CKAP4: variants seen among roughly 807,000 people sequenced by gnomAD.
CKAP4 encodes cytoskeleton associated protein 4, also known as cytoskeleton-associated protein 4.
A neutral mutation model predicts 24.4 loss-of-function variants in CKAP4; 20 were observed. That is an observed-to-expected ratio of 0.82 (90% CI 0.58 to 1.19). The LOEUF is 1.19. CKAP4 is among the 50% of genes most tolerant of loss of function. The pLI is 0.00. For synonymous variants in CKAP4, 378 were observed against 351.7 expected, an observed-to-expected ratio of 1.07 and a Z score of -0.84; for missense variants, 744 against 765.3, an observed-to-expected ratio of 0.97 and a Z score of 0.33.
chr12:106,239,383 C>G lies in CKAP4; in HGVS notation c.1450G>C (p.Gly484Arg). The G allele has an allele frequency of 6.2e-7, 1 of 1,601,336 alleles. No individual in the cohort carries two copies. The change falls in exon 2 of 2, where the codon GGT becomes CGT. Residue 484 changes from glycine (G) to arginine (R), a missense_variant. Physicochemically the swap from Gly to Arg is moderately radical, Grantham distance 125. Around this residue, in one of 3 missense-constraint regions of CKAP4, gnomAD observed 401 missense variants for 424.5 expected, o/e 0.94. Transcript: ENST00000378026. The surrounding 1 kb of genome is among the most constrained non-coding windows in gnomAD (Gnocchi z 4.9). ...SLGETQLVLY[G>R]DVEELKRSVG... ...CTCCTCTTCAGCTCCTCCACGTCAC[C>G]GTAGAGCACCAGCTGGGTCTCGCCC... is the stretch of plus-strand genomic sequence containing the variant.
rs2034024565 is a variant in CKAP4, at chr12:106,247,578, CGGCGGCAGCGGCGGCGGA to C, written c.256_273del (p.Ser86_Ala91del). ...CAGGACGCCGAGGACGAGGCGGCGG[CGGCGGCAGCGGCGGCGGA>C]GGCGGAGGAGGAGGAGGAGGACTTG... is the stretch of plus-strand genomic sequence containing the variant. On this transcript the variant is annotated inframe_deletion, in exon 1 of 2. Coordinates refer to ENST00000378026, the MANE Select transcript of CKAP4 (RefSeq NM_006825.4). The surrounding 1 kb of genome is among the most constrained non-coding windows in gnomAD (Gnocchi z 4.5). 2.2e-6 allele frequency: 3 copies of C among 1,354,268 alleles called. No individual in the cohort carries two copies. Among genetic ancestry groups the C allele is most frequent in the Non-Finnish European group, 2.9e-6 (3 of 1,046,728 alleles). The allele number at this position is 1,354,268 out of a possible 1,614,324, so 83.9% of individuals were successfully genotyped here.
chr12:106,247,405 C>T lies in CKAP4; in HGVS notation c.447G>A (p.Glu149=), dbSNP rs1190654390. 3 of 1,542,964 alleles carry T rather than the reference C, an allele frequency of 1.9e-6. No individual in the cohort carries two copies. Among genetic ancestry groups the T allele is most frequent in the Admixed American group, 1.9e-5 (1 of 51,706 alleles). ...CGCCCTGCAAGCCCTGGCCCAGCTC[C>T]TCCCTCTGCCGGGAGAAGTCCTGGT... ...RSHQDFSRQR[E]ELGQGLQGVE... The change falls in exon 1 of 2, where the codon GAG becomes GAA. Residue 149 remains glutamate, a synonymous_variant. Coordinates refer to ENST00000378026, the MANE Select transcript of CKAP4 (RefSeq NM_006825.4). This position sits in a 1 kb window ranked among gnomAD's most constrained non-coding sequence, Gnocchi z 4.5.
chr12:106,242,342 T>A (rs561510794), intron 1 of CKAP4, among the ~76,000 whole-genome samples: 2 of 152,366 alleles, frequency 1.3e-5, no homozygotes, highest in South Asian at 4.1e-4. Context: ...TTCCTAGAAA[T>A]ATCCTCAACC....
Position 106,239,078 on chromosome 12 carries a change from C to G in CKAP4, c.1755G>C (p.Arg585Ser). The G allele has an allele frequency of 6.2e-7, 1 of 1,614,104 alleles. No homozygotes were observed. The highest frequency in any genetic ancestry group is 8.5e-7 in the Non-Finnish European group (1 of 1,180,030). Residue 585 changes from arginine to serine, a missense_variant, in exon 2 of 2, where the codon AGG becomes AGC. This residue lies in a region of CKAP4 where 401 missense variants were observed against 424.5 expected (regional missense o/e 0.94). Transcript: ENST00000378026. This position sits in a 1 kb window ranked among gnomAD's most constrained non-coding sequence, Gnocchi z 4.9. Reference protein sequence around the residue: ...ESAKGLLDDLRNDLDRLFVKV... With the variant: ...ESAKGLLDDLSNDLDRLFVKV... ...TCACAAACAACCTATCCAGATCATT[C>G]CTCAGGTCATCTAGTAAACCCTTGG...
At chr12:106,240,409 A>G in intron 1 of CKAP4, 60 bp from the exon 2 acceptor site, 2 of 1,537,480 alleles carry the variant, frequency 1.3e-6, no homozygotes, top group Non-Finnish European at 1.7e-6. Flanking sequence ...ACATGATACA[A>G]CTTTTTTTGT....
chr12:106,241,478 G>A (rs1032189466), intron 1 of CKAP4, among the ~76,000 whole-genome samples: 9 of 150,860 alleles, frequency 6.0e-5, no homozygotes, highest in South Asian at 2.1e-4. Flanking sequence ...GACTACAGGC[G>A]CCCGCCACTA....
intron 1 of CKAP4, among the ~76,000 whole-genome samples, chr12:106,243,358 T>C (rs1002863843): frequency 1.3e-5 from 2 of 152,220 alleles, no homozygotes; most frequent in Non-Finnish European, 2.9e-5. Flanking sequence ...CAGTATGTGA[T>C]ATGCTCAGGC....
rs2034025554 is a variant in CKAP4, at chr12:106,247,615, G to GGAC, written c.234_236dup (p.Ser84dup). Reference sequence around the variant, plus strand: ...CGGCGGAGGCGGAGGAGGAGGAGGAGGACTTGCCGCCGCCGCCGCCGCCGC... The same window carrying GGAC: ...CGGCGGAGGCGGAGGAGGAGGAGGAGGACGACTTGCCGCCGCCGCCGCCGCCGC... On this transcript the variant is annotated inframe_insertion, in exon 1 of 2. Transcript: ENST00000378026. This position sits in a 1 kb window ranked among gnomAD's most constrained non-coding sequence, Gnocchi z 4.5. 2 of 1,206,960 alleles carry GGAC rather than the reference G, an allele frequency of 1.7e-6. No individual in the cohort carries two copies. The highest frequency in any genetic ancestry group is 2.1e-6 in the Non-Finnish European group (2 of 946,146). 74.8% of individuals were successfully genotyped at this position (1,206,960 alleles called of 1,614,324 possible). A position where few individuals can be genotyped will look rare whatever the true frequency, so the allele number is the denominator to read the frequency against.
Position 106,247,943 on chromosome 12 carries a change from G to A in CKAP4, c.-92C>T, listed in dbSNP as rs2034033095. Reference sequence around the variant, plus strand: ...ACTTGCAGGGGCTCCCCCGGGACTGGGCGAGCGGCACGCGGGCGCTGCTGG... The same window carrying A: ...ACTTGCAGGGGCTCCCCCGGGACTGAGCGAGCGGCACGCGGGCGCTGCTGG... On this transcript the variant is annotated 5_prime_UTR_variant, in exon 1 of 2. Transcript: ENST00000378026. The surrounding 1 kb of genome is among the most constrained non-coding windows in gnomAD (Gnocchi z 4.5). 1.2e-6 allele frequency: 1 copy of A among 812,818 alleles called. No homozygotes were observed. 50.4% of individuals were successfully genotyped at this position (812,818 alleles called of 1,614,324 possible).
In CKAP4 at chr12:106,247,879, G is replaced by T; in HGVS notation, c.-28C>A. 2 of 1,026,176 alleles carry T rather than the reference G, an allele frequency of 1.9e-6. No individual in the cohort carries two copies. The highest frequency in any genetic ancestry group is 2.3e-6 in the Non-Finnish European group (2 of 857,938). 63.6% of individuals were successfully genotyped at this position (1,026,176 alleles called of 1,614,324 possible). ...CGGGCGCGGCGGCGGCTCGGGCCGC[G>T]GGCTGGGAGGCGAGCGAGCGCGGCG... is the stretch of plus-strand genomic sequence containing the variant. On this transcript the variant is annotated 5_prime_UTR_variant, in exon 1 of 2. Transcript: ENST00000378026. The surrounding 1 kb of genome is among the most constrained non-coding windows in gnomAD (Gnocchi z 4.5).
Position 106,247,931 on chromosome 12 carries a change from C to A in CKAP4, c.-80G>T, listed in dbSNP as rs1450926666. On this transcript the variant is annotated 5_prime_UTR_variant, in exon 1 of 2. Coordinates refer to ENST00000378026, the MANE Select transcript of CKAP4 (RefSeq NM_006825.4). The surrounding 1 kb of genome is among the most constrained non-coding windows in gnomAD (Gnocchi z 4.5). ...GCGGCCCGGGAAACTTGCAGGGGCT[C>A]CCCCGGGACTGGGCGAGCGGCACGC... 6 of 879,098 alleles carry A rather than the reference C, an allele frequency of 6.8e-6. No homozygotes were observed. The highest frequency in any genetic ancestry group is 1.8e-5 in the African/African-American group (1 of 54,632). The allele number at this position is 879,098 out of a possible 1,614,324, so 54.5% of individuals were successfully genotyped here. A position where few individuals can be genotyped will look rare whatever the true frequency, so the allele number is the denominator to read the frequency against.
At chr12:106,246,147 G>T (rs1446895266) in intron 1 of CKAP4, among the ~76,000 whole-genome samples, 6 of 152,174 alleles carry the variant, frequency 3.9e-5, no homozygotes, top group Admixed American at 1.3e-4. Flanking sequence ...CCTTCGCCTT[G>T]AGAGTTGGGT....
rs766060943 is a variant in CKAP4 at position 106,239,588 on chromosome 12, G to A, written c.1245C>T (p.His415=). The A allele has an allele frequency of 1.7e-5, 27 of 1,614,094 alleles. No homozygotes were observed. The highest frequency in any genetic ancestry group is 9.9e-5 in the South Asian group (9 of 91,082). ...GCATGGAGAGCACCCCATCCTCCAC[G>A]TGCTGGAGCCTGGAGTCCAGTCCCT... The part of the protein sequence containing the change: ...KSQGLDSRLQ[H]VEDGVLSMQV... The change falls in exon 2 of 2, where the codon CAC becomes CAT. Residue 415 remains histidine (H), a synonymous_variant. Coordinates refer to ENST00000378026, the MANE Select transcript of CKAP4 (RefSeq NM_006825.4). This position sits in a 1 kb window ranked among gnomAD's most constrained non-coding sequence, Gnocchi z 4.9.
intron 1 of CKAP4, among the ~76,000 whole-genome samples, chr12:106,244,291 A>G (rs2136536439): frequency 6.6e-6 from 1 of 152,342 alleles, no homozygotes; most frequent in East Asian, 1.9e-4. Flanking sequence ...CTAACTAGCT[A>G]TATCACCGCT....
intron 1 of CKAP4, among the ~76,000 whole-genome samples, chr12:106,245,841 C>T (rs1291680441): frequency 9.0e-4 from 137 of 152,118 alleles, no homozygotes; most frequent in African/African-American, 3.0e-3. Context: ...GTGATCCGCC[C>T]GCCTCGGCCT....
In CKAP4 at chr12:106,239,594, G is replaced by A. The variant is rs75095639; in HGVS notation, c.1239C>T (p.Leu413=). 1,143 of 1,614,150 alleles carry A rather than the reference G, an allele frequency of 7.1e-4. 13 individuals are homozygous for A. In the East Asian group the frequency reaches 0.023, roughly 33 times the overall value. ...AGAGCACCCCATCCTCCACGTGCTG[G>A]AGCCTGGAGTCCAGTCCCTGACTCT... ...QQKSQGLDSR[L]QHVEDGVLSM... Residue 413 remains leucine, a synonymous_variant, in exon 2 of 2, where the codon CTC becomes CTT. Coordinates refer to ENST00000378026, the MANE Select transcript of CKAP4 (RefSeq NM_006825.4). This position sits in a 1 kb window ranked among gnomAD's most constrained non-coding sequence, Gnocchi z 4.9.
chr12:106,241,433 C>T (rs372558374), intron 1 of CKAP4, among the ~76,000 whole-genome samples: 214 of 149,308 alleles, frequency 1.4e-3, no homozygotes, highest in African/African-American at 4.9e-3. Flanking sequence ...CCCGGGTTCA[C>T]GCCATTCTCC....
At chr12:106,243,642 A>G (rs118035505) in intron 1 of CKAP4, among the ~76,000 whole-genome samples, 17 of 152,310 alleles carry the variant, frequency 1.1e-4, no homozygotes, top group Non-Finnish European at 2.2e-4. Flanking sequence ...GAAGCCCAGG[A>G]CCCACTTGTG....
In CKAP4 at chr12:106,247,415, C is replaced by T. The variant is rs2034021981; in HGVS notation, c.437G>A (p.Arg146Gln). Reference protein sequence around the residue: ...QVRRSHQDFSRQREELGQGLQ... With the variant: ...QVRRSHQDFSQQREELGQGLQ... Reference sequence around the variant, plus strand: ...GCCCTGGCCCAGCTCCTCCCTCTGCCGGGAGAAGTCCTGGTGGCTGCGCCG... The same window carrying T: ...GCCCTGGCCCAGCTCCTCCCTCTGCTGGGAGAAGTCCTGGTGGCTGCGCCG... The change falls in exon 1 of 2, where the codon CGG becomes CAG. Residue 146 changes from arginine (R) to glutamine (Q), a missense_variant. By Grantham distance (43) the Arg-to-Gln change is conservative. Around this residue, in one of 3 missense-constraint regions of CKAP4, gnomAD observed 300 missense variants for 264.5 expected, o/e 1.13. Transcript: ENST00000378026. The surrounding 1 kb of genome is among the most constrained non-coding windows in gnomAD (Gnocchi z 4.5). The T allele has an allele frequency of 1.3e-6, 2 of 1,543,818 alleles. No homozygotes were observed. The highest frequency in any genetic ancestry group is 1.9e-5 in the Admixed American group (1 of 51,658).
Sources: gnomAD v4.1 joint callset for allele counts (sites outside exome capture counted in the v4.1 genomes callset) on GRCh38, gnomAD v4.1.1 for gene constraint, gnomAD v4.1.1 regional missense constraint, Gnocchi (gnomAD v3.1) non-coding constraint, MANE v1.5 for transcripts, NCBI Gene and HGNC (gene_info 2026-07-23, HGNC 2026-07-21) for gene names.